Variants in FGF14 observed in about 807,000 individuals in gnomAD.
The protein encoded by FGF14 is fibroblast growth factor 14, also known as fibroblast growth factor homologous factor 4.
In FGF14, 5 loss-of-function variants were observed where a neutral mutation model predicts 25.5. The observed-to-expected ratio is 0.20, with a 90% CI of 0.10 to 0.41. The LOEUF (loss-of-function observed/expected upper bound fraction) is 0.41. Ranked by LOEUF, FGF14 falls within the 10% of genes least tolerant of loss-of-function variation. FGF14 has a pLI of 1.00. For missense variants in FGF14, 222 were observed against 320.1 expected (o/e 0.69, Z 2.34); for synonymous variants, 138 against 118.3 (o/e 1.17, Z -1.08).
At chr13:101,900,752 A>G (rs76872225) in intron 1 of FGF14, among the ~76,000 whole-genome samples, 4,737 of 152,246 alleles carry the variant, frequency 0.031, 267 homozygotes, top group African/African-American at 0.11. Context: ...TGGTCTTCAC[A>G]CAAGTGTATT....
At position 102,387,162 on chromosome 13, in the gene FGF14, T is replaced by C. The variant is rs115468958; in HGVS notation, c.208+14309A>G. Among the ~76,000 whole-genome samples, 1,414 of 152,354 alleles carry C rather than the reference T, an allele frequency of 9.3e-3. 20 individuals are homozygous for C. Among genetic ancestry groups the C allele is most frequent in the African/African-American group, 0.032 (1,346 of 41,576 alleles). On this transcript the variant is annotated intron_variant, in intron 1 of 4. Transcript: ENST00000376131. ...TAGTTACATTTTTATAAAATTTGAA[T>C]AGCCATTGAGAATTTAGTTGCTCTC...
intron 1 of FGF14, among the ~76,000 whole-genome samples, chr13:102,182,760 A>G (rs1158216280): frequency 6.6e-6 from 1 of 152,192 alleles, no homozygotes; most frequent in South Asian, 2.1e-4. Flanking sequence ...TAGAAATACT[A>G]CATTTCTTGC....
chr13:101,941,857 G>A (rs1407576), intron 1 of FGF14, among the ~76,000 whole-genome samples: 32,018 of 151,992 alleles, frequency 0.21, 3,885 homozygotes, highest in East Asian at 0.52. Flanking sequence ...GCGAGTAATT[G>A]TTTTAAATGA....
chr13:102,294,175 A>G (rs1368183083), intron 1 of FGF14: 5 of 152,228 alleles, frequency 3.3e-5, no homozygotes, highest in East Asian at 1.9e-4. Flanking sequence ...GCATAAATCT[A>G]TGAATGATCT....
At chr13:102,370,343 TA>T (rs1651542943) in intron 1 of FGF14, among the ~76,000 whole-genome samples, 6 of 152,296 alleles carry the variant, frequency 3.9e-5, no homozygotes, top group Non-Finnish European at 7.3e-5. Context: ...TATACATTAT[TA>T]TATTTTTATT....
At chr13:102,128,188 A>G (rs982561519) in intron 1 of FGF14, among the ~76,000 whole-genome samples, 1 of 131,660 alleles carries the variant, frequency 7.6e-6, no homozygotes, top group African/African-American at 2.6e-5. Flanking sequence ...ATCTATAAAA[A>G]AGATGATGAT....
chr13:101,877,240 T>C (rs1323271823), intron 1 of FGF14, among the ~76,000 whole-genome samples: 2 of 152,200 alleles, frequency 1.3e-5, no homozygotes, highest in Non-Finnish European at 2.9e-5. Context: ...TGTAAAATTA[T>C]GTTTTTCTCC....
chr13:102,003,773 T>G (rs1410177428), intron 1 of FGF14, among the ~76,000 whole-genome samples: 2 of 152,108 alleles, frequency 1.3e-5, no homozygotes, highest in Non-Finnish European at 2.9e-5. Flanking sequence ...TTGACAGCTT[T>G]CTTCTGGTTT....
intron 1 of FGF14, among the ~76,000 whole-genome samples, chr13:102,377,655 A>G (rs893142423): frequency 1.3e-5 from 2 of 152,150 alleles, no homozygotes; most frequent in Admixed American, 1.3e-4. Context: ...CTAAAAATAC[A>G]AAATTAGCTG....
At chr13:101,996,156 A>T (rs1594937487) in intron 1 of FGF14, among the ~76,000 whole-genome samples, 1 of 152,188 alleles carries the variant, frequency 6.6e-6, no homozygotes. Flanking sequence ...AAATATTAAA[A>T]ATAAAAATAA....
chr13:101,900,106 A>T (rs1206156988), intron 1 of FGF14, among the ~76,000 whole-genome samples: 1 of 152,156 alleles, frequency 6.6e-6, no homozygotes, highest in Non-Finnish European at 1.5e-5. Flanking sequence ...ATCCTAAGTG[A>T]AAGAAATCAC....
intron 3 of FGF14, among the ~76,000 whole-genome samples, chr13:101,855,462 A>G (rs544239235): frequency 1.3e-5 from 2 of 152,136 alleles, no homozygotes; most frequent in South Asian, 4.1e-4. Context: ...ATTAGTATAC[A>G]CTAATTATTT....
intron 1 of FGF14, among the ~76,000 whole-genome samples, chr13:102,091,223 C>G (rs1241801292): frequency 6.6e-6 from 1 of 152,130 alleles, no homozygotes; most frequent in Non-Finnish European, 1.5e-5. Context: ...GTTATTTACT[C>G]TTTGTCTCTC....
intron 3 of FGF14, among the ~76,000 whole-genome samples, chr13:101,769,869 C>T (rs578070956): frequency 2.0e-5 from 3 of 152,216 alleles, no homozygotes; most frequent in East Asian, 3.9e-4. Context: ...CTGTATGATA[C>T]TATAATCATG....
At chr13:102,004,679 G>A (rs1239358003) in intron 1 of FGF14, among the ~76,000 whole-genome samples, 2 of 152,126 alleles carry the variant, frequency 1.3e-5, no homozygotes, top group Non-Finnish European at 2.9e-5. Flanking sequence ...GTTTGGCTGT[G>A]TCCCCACCCA....
rs1437949539 is a variant in FGF14, at chr13:101,710,906, T to G, written c.*11925A>C. On this transcript the variant is annotated 3_prime_UTR_variant, in exon 5 of 5. Coordinates refer to ENST00000376143, the MANE Select transcript of FGF14 (RefSeq NM_004115.4). The stretch of plus-strand genomic sequence containing the variant: ...ACAAGATACATTCTTGTGACCTTCA[T>G]AACAGATGGAGTAGTTAGTACAATA... 1 of 152,220 alleles carries G rather than the reference T, an allele frequency of 6.6e-6. No individual in the cohort carries two copies. Among genetic ancestry groups the G allele is most frequent in the Non-Finnish European group, 1.5e-5 (1 of 68,032 alleles). The allele number at this position is 152,220 out of a possible 1,614,324, so 9.4% of individuals were successfully genotyped here.
At chr13:101,981,222 T>C (rs1010510184) in intron 1 of FGF14, among the ~76,000 whole-genome samples, 1 of 151,584 alleles carries the variant, frequency 6.6e-6, no homozygotes, top group Non-Finnish European at 1.5e-5. Context: ...AGAGGTTCCA[T>C]TGAGCCGAGA....
intron 1 of FGF14, among the ~76,000 whole-genome samples, chr13:102,019,254 T>C (rs2040506641): frequency 6.6e-6 from 1 of 152,160 alleles, no homozygotes; most frequent in African/African-American, 2.4e-5. Context: ...TCAGTAACTC[T>C]TGCCCTATCA....
intron 1 of FGF14, among the ~76,000 whole-genome samples, chr13:102,253,369 G>C (rs2052284211): frequency 6.6e-6 from 1 of 152,108 alleles, no homozygotes; most frequent in Non-Finnish European, 1.5e-5. Flanking sequence ...ATTCTAACTG[G>C]CATGAAATGG....
Sources: gnomAD v4.1 joint callset for allele counts (sites outside exome capture counted in the v4.1 genomes callset) on GRCh38, gnomAD v4.1.1 for gene constraint, MANE v1.5 for transcripts, NCBI Gene and HGNC (gene_info 2026-07-23, HGNC 2026-07-21) for gene names.